SLC9A6: variants seen among roughly 807,000 people sequenced by gnomAD.
SLC9A6 encodes solute carrier family 9 member A6.
Under a neutral mutation model 45.3 loss-of-function variants are expected in SLC9A6, and 6 were observed. That is an observed-to-expected ratio of 0.13 (90% CI 0.07 to 0.26). The LOEUF is 0.26. Ranked by LOEUF, SLC9A6 falls within the 10% of genes least tolerant of loss-of-function variation. SLC9A6 has a pLI of 1.00. For synonymous variants in SLC9A6, 191 were observed against 187.7 expected, an observed-to-expected ratio of 1.02 and a Z score of -0.14; for missense variants, 278 against 503.7, an observed-to-expected ratio of 0.55 and a Z score of 4.29.
upstream of SLC9A6, among the ~76,000 whole-genome samples, chrX:135,981,472 G>C (rs1238001255): frequency 9.0e-6 from 1 of 111,072 alleles, no homozygotes; most frequent in Non-Finnish European, 1.9e-5. Flanking sequence ...ACCATATCAG[G>C]CTCCTAACTC....
At chrX:135,982,039 A>G (rs1431602952), upstream of SLC9A6, among the ~76,000 whole-genome samples, 1 of 112,580 alleles carries the variant, frequency 8.9e-6, no homozygotes, top group Non-Finnish European at 1.9e-5. Flanking sequence ...TTTGAATTTC[A>G]TATCACTTTC....
At chrX:136,019,233 A>T (rs1293264309) in intron 11 of SLC9A6, among the ~76,000 whole-genome samples, 1 of 112,428 alleles carries the variant, frequency 8.9e-6, no homozygotes, top group Non-Finnish European at 1.9e-5. Flanking sequence ...TTATCTAAAA[A>T]TCTGAACTGG....
intron 2 of SLC9A6, 145 bp from the exon 3 acceptor site, chrX:135,994,640 TA>T (rs2089474256): frequency 9.0e-6 from 5 of 555,589 alleles, no homozygotes; most frequent in Non-Finnish European, 1.6e-5. Context: ...AGTAATATTT[TA>T]AAACATAACT....
chrX:136,013,227 A>G (rs1209412792), intron 9 of SLC9A6, 122 bp from the exon 10 acceptor site: 1 of 758,020 alleles, frequency 1.3e-6, no homozygotes. Context: ...GTTCCTCTTA[A>G]CAAAGTAAGT....
chrX:136,008,469 C>A (rs2070860689), intron 7 of SLC9A6, among the ~76,000 whole-genome samples: 1 of 111,635 alleles, frequency 9.0e-6, no homozygotes, highest in South Asian at 3.7e-4. Context: ...TCGAACTCCC[C>A]ATCTCAGGTG....
chrX:135,997,314 C>T (rs1199945298), intron 3 of SLC9A6, among the ~76,000 whole-genome samples: 8 of 111,531 alleles, frequency 7.2e-5, no homozygotes, highest in African/African-American at 2.6e-4. Flanking sequence ...CCTCGGCCTC[C>T]CAAAGTGCTG....
At chrX:136,022,513 A>G in intron 11 of SLC9A6, 73 bp from the exon 12 acceptor site, 1 of 637,397 alleles carries the variant, frequency 1.6e-6, no homozygotes, top group East Asian at 4.4e-5. Flanking sequence ...ATAGTCTTTC[A>G]CCATCTTGAG....
chrX:136,023,169 A>G (rs1371476319), intron 12 of SLC9A6, among the ~76,000 whole-genome samples: 26 of 2,251 alleles, frequency 0.012, no homozygotes, highest in Middle Eastern at 0.071. Flanking sequence ...AAATGTATAT[A>G]TATATATATA....
At chrX:136,023,192 TA>T (rs2071166919) in intron 12 of SLC9A6, among the ~76,000 whole-genome samples, 1 of 42,887 alleles carries the variant, frequency 2.3e-5, no homozygotes, top group African/African-American at 1.1e-4. Context: ...TATATATATA[TA>T]TATATATATA....
intron 17 of SLC9A6, 66 bp from the exon 18 acceptor site, chrX:136,044,386 T>C (rs2071562536): frequency 2.0e-6 from 2 of 1,002,217 alleles, no homozygotes; most frequent in Non-Finnish European, 2.8e-6. Flanking sequence ...TCCTCGAAAA[T>C]ACTCCTATTG....
chrX:136,036,337 T>C (rs1041454816), intron 16 of SLC9A6, among the ~76,000 whole-genome samples: 1 of 111,644 alleles, frequency 9.0e-6, no homozygotes, highest in Non-Finnish European at 1.9e-5. Context: ...TCTAAGTCTT[T>C]CGTCCATTGT....
chrX:135,989,112 G>T (rs1556615338), intron 2 of SLC9A6, among the ~76,000 whole-genome samples: 2 of 111,242 alleles, frequency 1.8e-5, no homozygotes, highest in Non-Finnish European at 3.8e-5. Flanking sequence ...GTGATATTGG[G>T]TTAGCTACGT....
intron 16 of SLC9A6, among the ~76,000 whole-genome samples, chrX:136,039,761 G>A (rs782123227): frequency 3.6e-5 from 4 of 112,076 alleles, no homozygotes; most frequent in Non-Finnish European, 7.5e-5. Context: ...GCAATGTGAT[G>A]TAGTGGAAAG....
upstream of SLC9A6, chrX:135,974,573 A>G: frequency 3.0e-6 from 1 of 338,218 alleles, no homozygotes; most frequent in Non-Finnish European, 5.9e-6. Flanking sequence ...GACCCCTGAC[A>G]GTTGTGTTTT....
At chrX:136,025,450 A>G (rs151110811) in intron 13 of SLC9A6, among the ~76,000 whole-genome samples, 2 of 112,257 alleles carry the variant, frequency 1.8e-5, no homozygotes, top group African/African-American at 3.2e-5. Context: ...TTTAAATTCT[A>G]TTACACCTTT....
chrX:135,979,009 T>G (rs1385632357), intron 1 of SLC9A6, among the ~76,000 whole-genome samples: 1 of 110,653 alleles, frequency 9.0e-6, no homozygotes, highest in African/African-American at 3.3e-5. Context: ...TATACATTAT[T>G]GCATTTCTTC....
intron 2 of SLC9A6, among the ~76,000 whole-genome samples, chrX:135,994,011 G>A (rs943049735): frequency 9.0e-6 from 1 of 111,389 alleles, no homozygotes; most frequent in Admixed American, 9.6e-5. Flanking sequence ...TTTGTTAAAT[G>A]TGCATTGTTT....
chrX:136,033,356 T>C (rs1314528696), intron 15 of SLC9A6, 58 bp from the exon 16 acceptor site: 2 of 739,409 alleles, frequency 2.7e-6, no homozygotes, highest in Non-Finnish European at 4.1e-6. Context: ...AAGGAATGGC[T>C]CTAAATAAAT....
intron 7 of SLC9A6, chrX:136,010,229 C>A (rs782035497): frequency 1.5e-5 from 5 of 324,030 alleles, no homozygotes; most frequent in South Asian, 1.1e-4. Context: ...GTTCTACCCC[C>A]CCCCCGAAAT....
Sources: gnomAD v4.1 joint callset for allele counts (sites outside exome capture counted in the v4.1 genomes callset) on GRCh38, gnomAD v4.1.1 for gene constraint, MANE v1.5 for transcripts, NCBI Gene and HGNC (gene_info 2026-07-23, HGNC 2026-07-21) for gene names.